The following MYO5B variants were observed in gnomAD, a reference collection of about 807,000 sequenced individuals.
MYO5B encodes the protein myosin VB, also known as unconventional myosin-Vb.
Under a neutral mutation model 229.3 loss-of-function variants are expected in MYO5B, and 143 were observed. That is an observed-to-expected ratio of 0.62 (90% CI 0.54 to 0.72). MYO5B has a LOEUF of 0.72. Among genes scored for constraint, MYO5B ranks in the 30% least tolerant of loss-of-function variants. The pLI is 0.00. For synonymous variants in MYO5B, 918 were observed against 885.2 expected, an observed-to-expected ratio of 1.04 and a Z score of -0.66; for missense variants, 2,321 against 2,331.0, an observed-to-expected ratio of 1.00 and a Z score of 0.09.
At chr18:49,921,672 T>C (rs2025077258) in intron 17 of MYO5B, among the ~76,000 whole-genome samples, 1 of 152,170 alleles carries the variant, frequency 6.6e-6, no homozygotes, top group Non-Finnish European at 1.5e-5. Flanking sequence ...GCTGCATTCC[T>C]GCTCTCTGGC....
chr18:50,041,579 T>C (rs2144392459), intron 2 of MYO5B, among the ~76,000 whole-genome samples: 2 of 152,278 alleles, frequency 1.3e-5, no homozygotes, highest in South Asian at 4.1e-4. Context: ...TATTGGTAAG[T>C]AAATTAGCTA....
At chr18:49,925,496 G>A (rs2025119401) in intron 17 of MYO5B, among the ~76,000 whole-genome samples, 1 of 152,196 alleles carries the variant, frequency 6.6e-6, no homozygotes. Context: ...TTCATATTTG[G>A]CTCAGAAGAA....
At chr18:50,015,146 G>C (rs971827506) in intron 4 of MYO5B, among the ~76,000 whole-genome samples, 1 of 152,178 alleles carries the variant, frequency 6.6e-6, no homozygotes. Flanking sequence ...AGGGATCAGG[G>C]GGCTGAAACA....
chr18:49,841,189 C>T (rs1353770457), intron 35 of MYO5B, among the ~76,000 whole-genome samples, 176 bp downstream of exon 35: 1 of 152,188 alleles, frequency 6.6e-6, no homozygotes, highest in Non-Finnish European at 1.5e-5. Flanking sequence ...AGGCAGGTCT[C>T]CTGTGGCTGG....
At chr18:50,191,823 T>C (rs1039610323) in intron 1 of MYO5B, among the ~76,000 whole-genome samples, 6 of 152,214 alleles carry the variant, frequency 3.9e-5, no homozygotes, top group Non-Finnish European at 8.8e-5. Flanking sequence ...GGGTCTAGTT[T>C]GAGGCACTAA....
chr18:49,988,576 C>A (rs755137038), intron 7 of MYO5B, among the ~76,000 whole-genome samples: 21 of 152,194 alleles, frequency 1.4e-4, no homozygotes, highest in Non-Finnish European at 2.8e-4. Context: ...AGAATTACAA[C>A]TGGGACAACT....
At chr18:50,006,415 C>T (rs1270566900) in intron 4 of MYO5B, among the ~76,000 whole-genome samples, 2 of 152,204 alleles carry the variant, frequency 1.3e-5, no homozygotes, top group African/African-American at 4.8e-5. Flanking sequence ...GAATTTAGTA[C>T]TCAGCCATGA....
At chr18:50,128,612 C>T (rs2032204984) in intron 1 of MYO5B, among the ~76,000 whole-genome samples, 1 of 152,166 alleles carries the variant, frequency 6.6e-6, no homozygotes, top group Admixed American at 6.5e-5. Context: ...CTCTCACACT[C>T]CCTTGGATTT....
chr18:50,151,102 T>C (rs527984790), intron 1 of MYO5B, among the ~76,000 whole-genome samples: 1 of 152,344 alleles, frequency 6.6e-6, no homozygotes, highest in East Asian at 1.9e-4. Context: ...TTCTGGTCCT[T>C]CCCTAAATGT....
At chr18:49,832,561 C>T (rs768913994) in intron 39 of MYO5B, among the ~76,000 whole-genome samples, 3 of 152,128 alleles carry the variant, frequency 2.0e-5, no homozygotes, top group Non-Finnish European at 4.4e-5. Context: ...ATTTGAAAAT[C>T]GCTGGGAAAT....
intron 1 of MYO5B, among the ~76,000 whole-genome samples, chr18:50,077,798 C>T (rs545672107): frequency 3.3e-5 from 5 of 152,164 alleles, no homozygotes; most frequent in Non-Finnish European, 7.3e-5. Context: ...CTCTGCTGCT[C>T]ACTTGCTCTG....
chr18:49,844,865 AT>A (rs1343003362), intron 33 of MYO5B, among the ~76,000 whole-genome samples: 3 of 152,388 alleles, frequency 2.0e-5, no homozygotes, highest in Admixed American at 2.0e-4. Flanking sequence ...AAATGTTAGC[AT>A]CTTGGGGAAG....
At chr18:49,971,237 C>A (rs2025688682) in intron 10 of MYO5B, among the ~76,000 whole-genome samples, 1 of 152,092 alleles carries the variant, frequency 6.6e-6, no homozygotes, top group Non-Finnish European at 1.5e-5. Flanking sequence ...TGAGTTTGAA[C>A]TGGGAAGGAG....
chr18:49,858,253 G>A (rs560346021), intron 29 of MYO5B, among the ~76,000 whole-genome samples: 133 of 152,300 alleles, frequency 8.7e-4, no homozygotes, highest in African/African-American at 2.8e-3. Context: ...GCATCATCCC[G>A]TCTCAGATGT....
intron 1 of MYO5B, among the ~76,000 whole-genome samples, chr18:50,144,530 A>C (rs2032469888): frequency 6.6e-6 from 1 of 152,196 alleles, no homozygotes; most frequent in South Asian, 2.1e-4. Flanking sequence ...ACTTCAGTGG[A>C]AAATATAACT....
chr18:50,146,127 C>T (rs1205904502), intron 1 of MYO5B, among the ~76,000 whole-genome samples: 1 of 152,208 alleles, frequency 6.6e-6, no homozygotes, highest in Non-Finnish European at 1.5e-5. Context: ...TTGCAGCACA[C>T]TTGCAGGTTC....
intron 36 of MYO5B, 21 bp from the exon 37 acceptor site, chr18:49,837,823 G>C (rs1160947640): frequency 6.2e-7 from 1 of 1,613,498 alleles, no homozygotes; most frequent in East Asian, 2.2e-5. Flanking sequence ...AGCACAGTTA[G>C]AGAAGCTTGC....
In MYO5B at chr18:49,918,105, G is replaced by A. The variant is rs144911677; in HGVS notation, c.2091-5932C>T. Among the ~76,000 whole-genome samples the A allele has an allele frequency of 3.7e-3, 566 of 152,324 alleles. 4 individuals are homozygous for A. The highest frequency in any genetic ancestry group is 0.013 in the African/African-American group (543 of 41,572). On this transcript the variant is annotated intron_variant, in intron 17 of 39. Coordinates refer to ENST00000285039, the MANE Select transcript of MYO5B (RefSeq NM_001080467.3). ...GGCTGCTAAGAATGGTGCAGGAAGCGCAGTAGCTTTGGGATGTTGTTTGGC... is the reference window on the plus strand; with the variant it reads ...GGCTGCTAAGAATGGTGCAGGAAGCACAGTAGCTTTGGGATGTTGTTTGGC...
Position 49,839,282 on chromosome 18 carries a change from G to C in MYO5B, c.4714C>G (p.Gln1572Glu), listed in dbSNP as rs1304481594. Residue 1572 changes from glutamine (Q) to glutamate (E), a missense_variant, in exon 36 of 40, where the codon CAG (glutamine) becomes GAG (glutamate). Physicochemically the swap from Gln to Glu is conservative, Grantham distance 29 (BLOSUM62 2). This residue lies in a region of MYO5B where 2,113 missense variants were observed against 2,044.7 expected (regional missense o/e 1.03). Coordinates refer to ENST00000285039, the MANE Select transcript of MYO5B (RefSeq NM_001080467.3). ...QYSGDEGFMT[Q>E]NTAKQNEHCL... ...TGTTCATTCTGCTTTGCAGTGTTCTGAGTCATGAAGCCCTGCAGAGGGAGA... is the reference window on the plus strand; with the variant it reads ...TGTTCATTCTGCTTTGCAGTGTTCTCAGTCATGAAGCCCTGCAGAGGGAGA... The C allele has an allele frequency of 6.2e-7, 1 of 1,613,914 alleles. No individual in the cohort carries two copies. Among genetic ancestry groups the C allele is most frequent in the Admixed American group, 1.7e-5 (1 of 60,026 alleles).
Sources: allele counts gnomAD v4.1 joint callset (sites outside exome capture counted in the v4.1 genomes callset), GRCh38; gene constraint gnomAD v4.1.1; regional missense constraint gnomAD v4.1.1; transcripts MANE v1.5; gene names NCBI Gene and HGNC (gene_info 2026-07-23, HGNC 2026-07-21).